MDM2: variants seen among roughly 807,000 people sequenced by gnomAD.
The protein encoded by MDM2 is E3 ubiquitin-protein ligase Mdm2.
A neutral mutation model predicts 64.3 loss-of-function variants in MDM2; 11 were observed. The observed-to-expected ratio is 0.17, with a 90% confidence interval of 0.11 to 0.28. The LOEUF (loss-of-function observed/expected upper bound fraction) is 0.28. Among genes scored for constraint, MDM2 ranks in the 10% least tolerant of loss-of-function variants. MDM2 has a pLI of 1.00. For missense variants in MDM2, 388 were observed against 577.1 expected (o/e 0.67, Z 3.36); for synonymous variants, 194 against 192.9 (o/e 1.01, Z -0.05).
At chr12:68,809,097 ACTTG>A in intron 1 of MDM2, 107 bp from the exon 2 acceptor site, 3 of 1,537,560 alleles carry the variant, frequency 2.0e-6, no homozygotes, top group Non-Finnish European at 2.6e-6. Flanking sequence ...GTAAGCACCG[ACTTG>A]CTTGTAGCTT....
intron 9 of MDM2, among the ~76,000 whole-genome samples, chr12:68,836,343 G>C (rs1271805471): frequency 1.3e-5 from 2 of 152,116 alleles, no homozygotes; most frequent in East Asian, 3.9e-4. Flanking sequence ...TTAGAGATCT[G>C]TTTCCCAGAA....
rs1178964964 is a variant in MDM2 at position 68,844,448 on chromosome 12, C to CATGGCAGCCTGGCCTAAGTGATCGTGA, written c.*4604_*4630dup. 1.3e-4 allele frequency: 30 copies of CATGGCAGCCTGGCCTAAGTGATCGTGA among 228,240 alleles called. No individual in the cohort carries two copies. Among genetic ancestry groups the CATGGCAGCCTGGCCTAAGTGATCGTGA allele is most frequent in the Admixed American group, 5.7e-4 (10 of 17,604 alleles). 14.1% of individuals were successfully genotyped at this position (228,240 alleles called of 1,614,324 possible). A position where few individuals can be genotyped will look rare whatever the true frequency, so the allele number is the denominator to read the frequency against. ...GTTCTCCCTGTCTTCTCTTAGGTCA[C>CATGGCAGCCTGGCCTAAGTGATCGTGA]ATGGCAGCCTGGCCTAAGTGATCGT... On this transcript the variant is annotated 3_prime_UTR_variant, in exon 11 of 11. Coordinates refer to ENST00000258149, the MANE Select transcript of MDM2 (RefSeq NM_002392.6).
At chr12:68,810,469 TTA>T (rs1880777640) in intron 2 of MDM2, among the ~76,000 whole-genome samples, 3 of 150,728 alleles carry the variant, frequency 2.0e-5, no homozygotes, top group Non-Finnish European at 4.4e-5. Flanking sequence ...ATTATTATTA[TTA>T]TTTTTTTTGA....
intron 7 of MDM2, among the ~76,000 whole-genome samples, chr12:68,827,405 G>C (rs1302211016): frequency 2.0e-5 from 3 of 152,036 alleles, no homozygotes; most frequent in Non-Finnish European, 4.4e-5. Context: ...TTCCTTAAAA[G>C]AAAATACAGT....
At chr12:68,814,596 A>G (rs1180204355) in intron 3 of MDM2, 1 of 404,792 alleles carries the variant, frequency 2.5e-6, no homozygotes, top group Admixed American at 3.4e-5. Context: ...CCTGAATTCT[A>G]TCCAAGGACT....
chr12:68,816,400 T>C (rs918109607), intron 3 of MDM2, among the ~76,000 whole-genome samples: 18 of 122,154 alleles, frequency 1.5e-4, no homozygotes, highest in African/African-American at 5.7e-4. Context: ...TGAGATGAAG[T>C]CTCACTCTGT....
At position 68,841,955 on chromosome 12, in the gene MDM2, T is replaced by C; in HGVS notation, c.*2106T>C. On this transcript the variant is annotated 3_prime_UTR_variant, in exon 11 of 11. Transcript: ENST00000258149. ...AGTGTTAGTTTCTTTGGGACCCATC[T>C]ACCCTGACCACATCATGATGTTCAT... is the stretch of plus-strand genomic sequence containing the variant. 2.9e-6 allele frequency: 1 copy of C among 350,126 alleles called. No individual in the cohort carries two copies. Among genetic ancestry groups the C allele is most frequent in the Non-Finnish European group, 5.5e-6 (1 of 181,432 alleles). 21.7% of individuals were successfully genotyped at this position (350,126 alleles called of 1,614,324 possible).
In MDM2 at chr12:68,842,628, G is replaced by A. The variant is rs1883878032; in HGVS notation, c.*2779G>A. 2 of 284,748 alleles carry A rather than the reference G, an allele frequency of 7.0e-6. No homozygotes were observed. Among genetic ancestry groups the A allele is most frequent in the Non-Finnish European group, 1.4e-5 (2 of 143,438 alleles). 17.6% of individuals were successfully genotyped at this position (284,748 alleles called of 1,614,324 possible). A position where few individuals can be genotyped will look rare whatever the true frequency, so the allele number is the denominator to read the frequency against. ...TGAAATGTGGACATAAAATAGTTAC[G>A]CTATTTGGTTAATGGTACTAGACAA... On this transcript the variant is annotated 3_prime_UTR_variant, in exon 11 of 11. Transcript: ENST00000258149.
intron 8 of MDM2, among the ~76,000 whole-genome samples, chr12:68,833,253 A>G (rs1882978209): frequency 7.8e-6 from 1 of 128,302 alleles, no homozygotes; most frequent in African/African-American, 2.8e-5. Flanking sequence ...ATTGTTATAT[A>G]TATTTATATA....
intron 2 of MDM2, among the ~76,000 whole-genome samples, chr12:68,811,507 A>G (rs3730504): frequency 0.067 from 10,116 of 152,030 alleles, 1,105 homozygotes; most frequent in African/African-American, 0.23. Flanking sequence ...TTGTTCTTCA[A>G]TGTAAGATTA....
At chr12:68,810,585 C>T in intron 2 of MDM2, among the ~76,000 whole-genome samples, 1 of 151,552 alleles carries the variant, frequency 6.6e-6, no homozygotes, top group East Asian at 2.0e-4. Flanking sequence ...CCTCAGCCTC[C>T]CGAGTAGCTG....
At chr12:68,837,854 A>ATT (rs36025270) in intron 10 of MDM2, among the ~76,000 whole-genome samples, 1 of 151,828 alleles carries the variant, frequency 6.6e-6, no homozygotes, top group Non-Finnish European at 1.5e-5. Context: ...AATAAATTCC[A>ATT]TTTTTTCTGA....
At chr12:68,821,183 G>T (rs929958652) in intron 5 of MDM2, among the ~76,000 whole-genome samples, 18 of 151,882 alleles carry the variant, frequency 1.2e-4, no homozygotes, top group Non-Finnish European at 2.4e-4. Flanking sequence ...GAGTAGATGG[G>T]ACTACAGGCG....
intron 10 of MDM2, among the ~76,000 whole-genome samples, chr12:68,837,085 C>T (rs1391453593): frequency 6.6e-6 from 1 of 151,506 alleles, no homozygotes; most frequent in East Asian, 1.9e-4. Context: ...TCCTGAGTAG[C>T]TGGAATTACA....
intron 5 of MDM2, among the ~76,000 whole-genome samples, chr12:68,821,575 C>G (rs1881855313): frequency 6.6e-6 from 1 of 152,016 alleles, no homozygotes; most frequent in Non-Finnish European, 1.5e-5. Context: ...CTACAAAAAT[C>G]AGCTTGGTAT....
intron 5 of MDM2, among the ~76,000 whole-genome samples, chr12:68,821,007 T>C (rs1005684241): frequency 1.3e-5 from 2 of 150,560 alleles, no homozygotes; most frequent in African/African-American, 2.4e-5. Context: ...ATTTGAAGGC[T>C]AAAAACATGG....
At chr12:68,830,746 G>C (rs1044904185) in intron 8 of MDM2, among the ~76,000 whole-genome samples, 5 of 152,062 alleles carry the variant, frequency 3.3e-5, no homozygotes, top group Non-Finnish European at 5.9e-5. Context: ...TGTCTCCCAG[G>C]CTGGAGTGCA....
At chr12:68,817,031 A>AAG (rs1262102578) in intron 4 of MDM2, 86 bp downstream of exon 4, 2 of 1,473,174 alleles carry the variant, frequency 1.4e-6, no homozygotes, top group African/African-American at 2.9e-5. Context: ...TTGTCAGAGA[A>AAG]AAACTGTTGA....
chr12:68,836,828 G>A, intron 10 of MDM2, 79 bp downstream of exon 10: 1 of 819,416 alleles, frequency 1.2e-6, no homozygotes, highest in Non-Finnish European at 2.0e-6. Context: ...GCTTCTTTCT[G>A]AAATGAACTG....
Sources: allele counts gnomAD v4.1 joint callset (sites outside exome capture counted in the v4.1 genomes callset), GRCh38; gene constraint gnomAD v4.1.1; transcripts MANE v1.5; gene names NCBI Gene and HGNC (gene_info 2026-07-23, HGNC 2026-07-21).